CMTM1: variants seen among roughly 807,000 people sequenced by gnomAD.
CMTM1 encodes the protein CKLF-like MARVEL transmembrane domain-containing protein 1.
In CMTM1, 16 loss-of-function variants were observed where a neutral mutation model predicts 17.8. The observed-to-expected ratio is 0.90, with a 90% CI of 0.61 to 1.37. The LOEUF is 1.37. CMTM1 is among the 40% of genes most tolerant of loss of function. CMTM1 has a pLI of 0.00. For synonymous variants in CMTM1, 169 were observed against 154.6 expected (o/e 1.09, Z -0.69); for missense variants, 354 against 375.6 (o/e 0.94, Z 0.47).
At chr16:66,570,194 CA>C in intron 2 of CMTM1, 100 bp downstream of exon 2, 1 of 948,536 alleles carries the variant, frequency 1.1e-6, no homozygotes, top group Non-Finnish European at 1.6e-6. Flanking sequence ...TCTCTCTAGA[CA>C]AGGACATAGC....
Position 66,566,444 on chromosome 16 carries a change from G to C in CMTM1, c.-70G>C. 4 of 1,487,296 alleles carry C rather than the reference G, an allele frequency of 2.7e-6. No individual in the cohort carries two copies. The highest frequency in any genetic ancestry group is 3.6e-6 in the Non-Finnish European group (4 of 1,118,560). 92.1% of individuals were successfully genotyped at this position (1,487,296 alleles called of 1,614,324 possible). A position where few individuals can be genotyped will look rare whatever the true frequency, so the allele number is the denominator to read the frequency against. ...TAGCCAACAGCCGTTGGGACGCGAC[G>C]CTGGTTCCCAGGGGAGAGCCAGCCG... On this transcript the variant is annotated 5_prime_UTR_variant, in exon 1 of 4. Coordinates refer to ENST00000379500, the MANE Select transcript of CMTM1 (RefSeq NM_052999.4). This position sits in a 1 kb window ranked among gnomAD's most constrained non-coding sequence, Gnocchi z 4.9.
chr16:66,570,487 T>C (rs1251299162), intron 2 of CMTM1, among the ~76,000 whole-genome samples: 3 of 152,246 alleles, frequency 2.0e-5, no homozygotes, highest in African/African-American at 7.2e-5. Flanking sequence ...AAAGTTGATA[T>C]GATGGCATTG....
Position 66,566,591 on chromosome 16 carries a change from C to T in CMTM1, c.78C>T (p.Ala26=). 1 of 1,614,016 alleles carries T rather than the reference C, an allele frequency of 6.2e-7. No individual in the cohort carries two copies. Among genetic ancestry groups the T allele is most frequent in the Non-Finnish European group, 8.5e-7 (1 of 1,179,972 alleles). The change falls in exon 1 of 4, where the codon GCC becomes GCT. Residue 26 remains alanine, a synonymous_variant. Transcript: ENST00000379500. The surrounding 1 kb of genome is among the most constrained non-coding windows in gnomAD (Gnocchi z 4.9). ...GNLKQPETAA[A]LASSGSVVSS... is the part of the protein sequence containing the mutation. Reference sequence around the variant, plus strand: ...TGAAACAACCGGAGACTGCCGCAGCCCTGGCAAGTAGCGGCAGCGTAGTGA... The same window carrying T: ...TGAAACAACCGGAGACTGCCGCAGCTCTGGCAAGTAGCGGCAGCGTAGTGA...
chr16:66,578,199 A>C (rs1037796778), intron 3 of CMTM1, among the ~76,000 whole-genome samples: 16 of 152,156 alleles, frequency 1.1e-4, no homozygotes, highest in African/African-American at 3.4e-4. Flanking sequence ...TCCCACCCCC[A>C]GGTATCCATT....
At chr16:66,568,669 CTCAG>C (rs2012994961) in intron 1 of CMTM1, among the ~76,000 whole-genome samples, 2 of 152,052 alleles carry the variant, frequency 1.3e-5, no homozygotes, top group South Asian at 4.1e-4. Flanking sequence ...GGCAGATAAC[CTCAG>C]TCAGGAGTTC....
chr16:66,577,307 G>A (rs1030203442), intron 3 of CMTM1, 105 bp downstream of exon 3: 1 of 798,436 alleles, frequency 1.3e-6, no homozygotes, highest in Middle Eastern at 2.3e-4. Context: ...AATCCCCACT[G>A]CCACCCACTC....
intron 3 of CMTM1, 40 bp from the exon 4 acceptor site, chr16:66,578,791 C>T: frequency 1.2e-6 from 2 of 1,604,314 alleles, no homozygotes; most frequent in Non-Finnish European, 8.5e-7. Context: ...TGCAAAATAA[C>T]CCCGTCTTTC....
chr16:66,569,888 A>ATT, intron 1 of CMTM1, 48 bp from the exon 2 acceptor site: 3 of 1,434,066 alleles, frequency 2.1e-6, no homozygotes, highest in Non-Finnish European at 2.9e-6. Context: ...GACAATGTAG[A>ATT]TTTTTTTAAA....
chr16:66,579,060 C>A lies in CMTM1; in HGVS notation c.*59C>A. The A allele has an allele frequency of 1.9e-6, 3 of 1,578,194 alleles. No homozygotes were observed. Among genetic ancestry groups the A allele is most frequent in the Middle Eastern group, 2.2e-4 (1 of 4,536 alleles). ...TGTCGAATCGCTGCCTCCGAGCCCA[C>A]CCCCGAGCTCGCATGCTGTCACCCA... On this transcript the variant is annotated 3_prime_UTR_variant, in exon 4 of 4. Transcript: ENST00000379500. This position sits in a 1 kb window ranked among gnomAD's most constrained non-coding sequence, Gnocchi z 6.5.
Position 66,578,105 on chromosome 16 carries a change from C to T in CMTM1, c.691-726C>T, listed in dbSNP as rs570404388. On this transcript the variant is annotated intron_variant, in intron 3 of 3. Transcript: ENST00000379500. Reference sequence around the variant, plus strand: ...AAACATCCAAGGTTGTCAAGAGTCCCGGAGTGCACAGGGGAATATCTGTGC... The same window carrying T: ...AAACATCCAAGGTTGTCAAGAGTCCTGGAGTGCACAGGGGAATATCTGTGC... 4.6e-5 allele frequency among the ~76,000 whole-genome samples: 7 copies of T among 152,232 alleles called. 1 individual carries two copies. Among genetic ancestry groups the T allele is most frequent in the African/African-American group, 1.7e-4 (7 of 41,542 alleles).
At chr16:66,568,804 C>T (rs28617516) in intron 1 of CMTM1, among the ~76,000 whole-genome samples, 182 of 151,106 alleles carry the variant, frequency 1.2e-3, no homozygotes, top group Non-Finnish European at 2.2e-3. Flanking sequence ...GAGAATTGTT[C>T]GAACCCAGGA....
chr16:66,566,892 A>G lies in CMTM1; in HGVS notation c.379A>G (p.Ser127Gly), dbSNP rs554032547. 26 of 1,614,104 alleles carry G rather than the reference A, an allele frequency of 1.6e-5. 1 individual carries two copies. The African/African-American group carries it at 2.1e-4, about 13-fold the overall frequency. Residue 127 changes from serine to glycine, a missense_variant, in exon 1 of 4, where the codon AGC becomes GGC. Coordinates refer to ENST00000379500, the MANE Select transcript of CMTM1 (RefSeq NM_052999.4). The surrounding 1 kb of genome is among the most constrained non-coding windows in gnomAD (Gnocchi z 4.9). ...CAAAGTCCCGTACAAATTCAGGGACAGCCTCAAACGTTTCTCCTTCTCGCC... is the reference window on the plus strand; with the variant it reads ...CAAAGTCCCGTACAAATTCAGGGACGGCCTCAAACGTTTCTCCTTCTCGCC... The part of the protein sequence containing the change: ...RAKVPYKFRD[S>G]LKRFSFSPTG...
At chr16:66,575,177 A>G (rs1371046163) in intron 2 of CMTM1, 24 of 985,418 alleles carry the variant, frequency 2.4e-5, no homozygotes, top group East Asian at 1.1e-4. Context: ...GCCAGCCCCA[A>G]TAGGAAGAAC....
chr16:66,572,010 C>T (rs974890740), intron 2 of CMTM1, among the ~76,000 whole-genome samples: 2 of 152,214 alleles, frequency 1.3e-5, no homozygotes, highest in African/African-American at 2.4e-5. Flanking sequence ...TAAAGCCAGG[C>T]CCCCTTGCTG....
chr16:66,570,154 G>A, intron 2 of CMTM1, 60 bp downstream of exon 2: 2 of 1,372,410 alleles, frequency 1.5e-6, no homozygotes, highest in Non-Finnish European at 2.0e-6. Context: ...CCAGAGTAAG[G>A]GCTCTCCTTA....
In CMTM1 at chr16:66,566,999, C is replaced by T. The variant is rs1293284062; in HGVS notation, c.432+54C>T. On this transcript the variant is annotated intron_variant, in intron 1 of 3. Transcript: ENST00000379500. The surrounding 1 kb of genome is among the most constrained non-coding windows in gnomAD (Gnocchi z 4.9). ...GGGCGGATGTGGCCGGCAGTGGCCT[C>T]GGGGAAATGCCCACGGGGTGCCAGC... is the stretch of plus-strand genomic sequence containing the variant. 7 of 1,583,244 alleles carry T rather than the reference C, an allele frequency of 4.4e-6. No homozygotes were observed. Among genetic ancestry groups the T allele is most frequent in the Middle Eastern group, 1.7e-4 (1 of 6,034 alleles).
At chr16:66,568,883 CAAAA>C (rs60488761) in intron 1 of CMTM1, among the ~76,000 whole-genome samples, 3 of 108,804 alleles carry the variant, frequency 2.8e-5, no homozygotes. Flanking sequence ...AAGACTGTCT[CAAAA>C]AAAAAAAAAA....
rs1248267904 is a variant in CMTM1, at chr16:66,570,029, T to G, written c.526T>G (p.Phe176Val). The G allele has an allele frequency of 2.5e-6, 4 of 1,613,042 alleles. No individual in the cohort carries two copies. The Admixed American group carries it at 6.7e-5, about 27-fold the overall frequency. ...ITSLEICIVV[F>V]FILIYVLTLH... is the part of the protein sequence containing the mutation. Reference sequence around the variant, plus strand: ...AAGTCTGGAAATCTGCATTGTCGTTTTTTTTATTCTAATATATGTGCTAAC... The same window carrying G: ...AAGTCTGGAAATCTGCATTGTCGTTGTTTTTATTCTAATATATGTGCTAAC... The change falls in exon 2 of 4, where the codon TTT becomes GTT. Residue 176 changes from phenylalanine (F) to valine (V), a missense_variant. Coordinates refer to ENST00000379500, the MANE Select transcript of CMTM1 (RefSeq NM_052999.4).
intron 2 of CMTM1, among the ~76,000 whole-genome samples, chr16:66,576,139 A>T (rs1165283044): frequency 4.6e-5 from 7 of 152,172 alleles, no homozygotes; most frequent in Non-Finnish European, 8.8e-5. Context: ...GCTCACGCCT[A>T]TAATCCCAGC....
Sources: gnomAD v4.1 joint callset for allele counts (sites outside exome capture counted in the v4.1 genomes callset) on GRCh38, gnomAD v4.1.1 for gene constraint, Gnocchi (gnomAD v3.1) non-coding constraint, MANE v1.5 for transcripts, NCBI Gene and HGNC (gene_info 2026-07-23, HGNC 2026-07-21) for gene names.